ECI1: variants seen among roughly 807,000 people sequenced by gnomAD.
ECI1 encodes the protein enoyl-CoA delta isomerase 1, mitochondrial.
In ECI1, 34 loss-of-function variants were observed where a neutral mutation model predicts 34.2. The observed-to-expected ratio is 1.00, with a 90% CI of 0.76 to 1.33. The LOEUF is 1.33. Among genes scored for constraint, ECI1 ranks in the 40% most tolerant of loss-of-function variants. The pLI is 0.00. For synonymous variants in ECI1, 211 were observed against 193.0 expected (o/e 1.09, Z -0.77); for missense variants, 456 against 422.2 (o/e 1.08, Z -0.70).
rs1401778865 is a variant in ECI1, at chr16:2,251,496, C to G, written c.52+19G>C. On this transcript the variant is annotated intron_variant, in intron 1 of 6. Transcript: ENST00000301729. ...GGCCCCGGCCCCGGCCCGATCCCTGCCCACCCCGGGTTTCGCACCCGCGCG... is the reference window on the plus strand; with the variant it reads ...GGCCCCGGCCCCGGCCCGATCCCTGGCCACCCCGGGTTTCGCACCCGCGCG... 15 of 1,557,342 alleles carry G rather than the reference C, an allele frequency of 9.6e-6. No individual in the cohort carries two copies. The highest frequency in any genetic ancestry group is 1.3e-5 in the Non-Finnish European group (15 of 1,153,134).
chr16:2,246,441 C>T (rs1379465844), intron 3 of ECI1, among the ~76,000 whole-genome samples: 1 of 152,198 alleles, frequency 6.6e-6, no homozygotes, highest in African/African-American at 2.4e-5. Context: ...CTCTCCCTCA[C>T]TCGCTGCCCA....
chr16:2,244,300 G>A lies in ECI1; in HGVS notation c.441+106C>T, dbSNP rs572691056. ...TGCACATCTCAGGGCCTCTCCAACC[G>A]TCCCCTTCCCCTGTGAGAGATTCCA... On this transcript the variant is annotated intron_variant, in intron 4 of 6. Transcript: ENST00000301729. 99 of 1,354,476 alleles carry A rather than the reference G, an allele frequency of 7.3e-5. No homozygotes were observed. In the African/African-American group the frequency reaches 8.6e-4, roughly 12 times the overall value. 83.9% of individuals were successfully genotyped at this position (1,354,476 alleles called of 1,614,324 possible).
intron 3 of ECI1, 87 bp from the exon 4 acceptor site, chr16:2,244,639 G>T: frequency 7.0e-7 from 1 of 1,427,052 alleles, no homozygotes; most frequent in South Asian, 1.3e-5. Context: ...CCAGGTGCAC[G>T]ACGCACAGCA....
In ECI1 at chr16:2,243,186, G is replaced by T; in HGVS notation, c.602C>A (p.Ala201Glu). 6.2e-7 allele frequency: 1 copy of T among 1,609,468 alleles called. No homozygotes were observed. The highest frequency in any genetic ancestry group is 8.5e-7 in the Non-Finnish European group (1 of 1,179,804). ...CCCCAGCTGCAGGGCACGCTCCGCC[G>T]CCCGGTGCCCGATGGTGTTCTCCAG... ...DTLENTIGHR[A>E]AERALQLGLL... The change falls in exon 6 of 7, where the codon GCG becomes GAG. Residue 201 changes from alanine (A) to glutamate (E), a missense_variant. By Grantham distance (107) the Ala-to-Glu change is moderately radical. Transcript: ENST00000301729.
chr16:2,251,425 G>A lies in ECI1; in HGVS notation c.57C>T (p.Ala19=), dbSNP rs1161963259. The A allele has an allele frequency of 7.0e-7, 1 of 1,431,030 alleles. No individual in the cohort carries two copies. The highest frequency in any genetic ancestry group is 9.2e-7 in the Non-Finnish European group (1 of 1,089,420). The allele number at this position is 1,431,030 out of a possible 1,614,324, so 88.6% of individuals were successfully genotyped here. A position where few individuals can be genotyped will look rare whatever the true frequency, so the allele number is the denominator to read the frequency against. Residue 19 remains alanine (A), a synonymous_variant, in exon 2 of 7, where the codon GCC becomes GCT. Transcript: ENST00000301729. ...VPARVLLRAG[A]RLPGAALGRT... ...GCCCGAGGGCCGCGCCCGGGAGCCG[G>A]GCCCCTGCGAAGGCAGCGTGGGGGA...
chr16:2,239,947 C>T lies in ECI1; in HGVS notation c.*32G>A, dbSNP rs564393668. The T allele has an allele frequency of 5.8e-5, 94 of 1,612,072 alleles. No individual in the cohort carries two copies. Among genetic ancestry groups the T allele is most frequent in the South Asian group, 2.4e-4 (22 of 91,066 alleles). On this transcript the variant is annotated 3_prime_UTR_variant, in exon 7 of 7. Transcript: ENST00000301729. ...GACCTCCCTGGGACCCACAGGGGCA[C>T]GTGTGGCCGTAAGCCTGTGGCAGCC...
intron 4 of ECI1, chr16:2,244,098 T>C (rs1267804064): frequency 6.5e-6 from 3 of 463,186 alleles, no homozygotes; most frequent in African/African-American, 5.9e-5. Context: ...GTTTCCAAAA[T>C]GTGGGTCCGA....
At chr16:2,240,281 G>C (rs1567311604) in intron 6 of ECI1, 136 bp from the exon 7 acceptor site, 1 of 924,142 alleles carries the variant, frequency 1.1e-6, no homozygotes, top group Non-Finnish European at 1.7e-6. Context: ...GTGGGATCTT[G>C]GCTCACTGCA....
In ECI1 at chr16:2,251,500, C is replaced by A. The variant is rs1043393759; in HGVS notation, c.52+15G>T. ...CCGGCCCCGGCCCGATCCCTGCCCA[C>A]CCCGGGTTTCGCACCCGCGCGGAGC... On this transcript the variant is annotated intron_variant, in intron 1 of 6. Transcript: ENST00000301729. 5 of 1,557,796 alleles carry A rather than the reference C, an allele frequency of 3.2e-6. No individual in the cohort carries two copies. In the Admixed American group the frequency reaches 7.6e-5, roughly 24 times the overall value.
rs1007897728 is a variant in ECI1 at position 2,243,363 on chromosome 16, C to A, written c.518G>T (p.Cys173Phe). 6 of 1,613,660 alleles carry A rather than the reference C, an allele frequency of 3.7e-6. No individual in the cohort carries two copies. In the African/African-American group the frequency reaches 8.0e-5, roughly 22 times the overall value. Residue 173 changes from cysteine to phenylalanine, a missense_variant, in exon 5 of 7, where the codon TGC becomes TTC. Physicochemically the swap from Cys to Phe is radical, Grantham distance 205. Transcript: ENST00000301729. ...CAGCTGGGTCTCATTGAGTCCTATG[C>A]AGTACCTGGGGTTGTCCGCCAGGAT... ...YRILADNPRYCIGLNETQLGI... is the reference protein window; with the variant it reads ...YRILADNPRYFIGLNETQLGI...
At chr16:2,249,656 G>A (rs1479089399) in intron 2 of ECI1, among the ~76,000 whole-genome samples, 3 of 150,822 alleles carry the variant, frequency 2.0e-5, no homozygotes, top group Non-Finnish European at 4.4e-5. Context: ...TGGATCACGA[G>A]GTCAGGAGAT....
At chr16:2,242,184 G>GCTACTAT in intron 6 of ECI1, among the ~76,000 whole-genome samples, 1 of 151,714 alleles carries the variant, frequency 6.6e-6, no homozygotes, top group Admixed American at 6.6e-5. Context: ...GTAGAGATGG[G>GCTACTAT]GTTTCACCAT....
At chr16:2,240,223 A>AT (rs1217383916) in intron 6 of ECI1, 78 bp from the exon 7 acceptor site, 7 of 1,438,864 alleles carry the variant, frequency 4.9e-6, no homozygotes, top group Non-Finnish European at 6.6e-6. Flanking sequence ...TTTTATTTTT[A>AT]TTTTTTGAGA....
chr16:2,241,055 T>C (rs1479386044), intron 6 of ECI1: 1 of 151,718 alleles, frequency 6.6e-6, no homozygotes. Context: ...CGCAGGAGGC[T>C]GAGGCAGGAG....
In ECI1 at chr16:2,243,459, AG is replaced by A; in HGVS notation, c.442-21del. On this transcript the variant is annotated intron_variant, in intron 4 of 6. Coordinates refer to ENST00000301729, the MANE Select transcript of ECI1 (RefSeq NM_001919.4). ...GGCTCCCTGCAGGGAGAGGCCGGAC[AG>A]GGCTCTTAGGTGCTGCTGGTCCCAA... 1 of 1,609,914 alleles carries A rather than the reference AG, an allele frequency of 6.2e-7. No individual in the cohort carries two copies. The highest frequency in any genetic ancestry group is 2.2e-5 in the East Asian group (1 of 44,868).
chr16:2,242,809 G>A, intron 6 of ECI1: 1 of 576,522 alleles, frequency 1.7e-6, no homozygotes, highest in South Asian at 2.0e-5. Flanking sequence ...ACGCAGGGAG[G>A]AAGTGCAGTC....
In ECI1 at chr16:2,251,337, C is replaced by A. The variant is rs112148283; in HGVS notation, c.145G>T (p.Val49Leu). ...ARRFGSQRVL[V>L]EPDAGAGVAV... ...TCACCTGCGCCCGCGTCCGGCTCCA[C>A]CAGCACCCGCTGGCTCCCGAAGCGC... The change falls in exon 2 of 7, where the codon GTG becomes TTG. Residue 49 changes from valine (V) to leucine (L), a missense_variant. Transcript: ENST00000301729. 8.0e-7 allele frequency: 1 copy of A among 1,249,170 alleles called. No homozygotes were observed. Among genetic ancestry groups the A allele is most frequent in the Non-Finnish European group, 1.0e-6 (1 of 993,234 alleles). The allele number at this position is 1,249,170 out of a possible 1,614,324, so 77.4% of individuals were successfully genotyped here.
rs868120216 is a variant in ECI1, at chr16:2,251,582, C to G, written c.-16G>C. The G allele has an allele frequency of 3.2e-6, 5 of 1,551,940 alleles. No individual in the cohort carries two copies. The Middle Eastern group carries it at 8.7e-4, about 270-fold the overall frequency. On this transcript the variant is annotated 5_prime_UTR_variant, in exon 1 of 7. Coordinates refer to ENST00000301729, the MANE Select transcript of ECI1 (RefSeq NM_001919.4). ...CCAGCGCCATCTTGACCGCAACGCG[C>G]GGGATAAAGGTCGCGGGCTGAGCTC...
Position 2,251,320 on chromosome 16 carries a change from GCCCGCGTCCGGCTCCACCAGCA to G in ECI1, c.140_161del (p.Val47AlafsTer6). On this transcript the variant is annotated frameshift_variant, in exon 2 of 7. Coordinates refer to ENST00000301729, the MANE Select transcript of ECI1 (RefSeq NM_001919.4). LOFTEE classifies it high-confidence loss of function. The stretch of plus-strand genomic sequence containing the variant: ...CCCTCGGCGCCGCCCGCTCACCTGC[GCCCGCGTCCGGCTCCACCAGCA>G]CCCGCTGGCTCCCGAAGCGCCGCGC... 5 of 1,217,022 alleles carry G rather than the reference GCCCGCGTCCGGCTCCACCAGCA, an allele frequency of 4.1e-6. No individual in the cohort carries two copies. The highest frequency in any genetic ancestry group is 5.1e-6 in the Non-Finnish European group (5 of 972,352). 75.4% of individuals were successfully genotyped at this position (1,217,022 alleles called of 1,614,324 possible).
Sources: allele counts gnomAD v4.1 joint callset (sites outside exome capture counted in the v4.1 genomes callset), GRCh38; gene constraint gnomAD v4.1.1; transcripts MANE v1.5; gene names NCBI Gene and HGNC (gene_info 2026-07-23, HGNC 2026-07-21).